The following NRXN3 variants were observed in gnomAD, a reference collection of about 807,000 sequenced individuals.
NRXN3 encodes the protein neurexin 3.
Under a neutral mutation model 137.6 loss-of-function variants are expected in NRXN3, and 32 were observed. The observed-to-expected ratio is 0.23, with a 90% CI of 0.18 to 0.31. NRXN3 has a LOEUF of 0.31. Among genes scored for constraint, NRXN3 ranks in the 10% least tolerant of loss-of-function variants. NRXN3 has a pLI of 1.00. For missense variants in NRXN3, 1,574 were observed against 2,062.5 expected (o/e 0.76, Z 4.59); for synonymous variants, 798 against 784.5 (o/e 1.02, Z -0.29).
chr14:78,629,967 G>A (rs1003970351), intron 4 of NRXN3, among the ~76,000 whole-genome samples: 1 of 152,118 alleles, frequency 6.6e-6, no homozygotes, highest in Admixed American at 6.5e-5. Context: ...ACACTAACTC[G>A]ATGCCCTTTA....
intron 15 of NRXN3, among the ~76,000 whole-genome samples, chr14:79,358,506 G>A (rs868573598): frequency 5.4e-5 from 8 of 149,448 alleles, no homozygotes; most frequent in Non-Finnish European, 8.9e-5. Flanking sequence ...CCTGGGAGGC[G>A]GAGCTTACAG....
intron 15 of NRXN3, among the ~76,000 whole-genome samples, chr14:79,226,923 C>A (rs1476101148): frequency 2.0e-5 from 3 of 147,052 alleles, no homozygotes; most frequent in Non-Finnish European, 4.4e-5. Context: ...TCAAGCAATT[C>A]TCCTTTCTCA....
intron 4 of NRXN3, among the ~76,000 whole-genome samples, chr14:78,590,274 T>A (rs2097104943): frequency 6.6e-6 from 1 of 152,210 alleles, no homozygotes; most frequent in South Asian, 2.1e-4. Context: ...ACTTTTCTTC[T>A]GGTCCCAGTC....
At chr14:79,068,808 G>A (rs983525615) in intron 15 of NRXN3, among the ~76,000 whole-genome samples, 2 of 151,996 alleles carry the variant, frequency 1.3e-5, no homozygotes, top group Admixed American at 6.6e-5. Flanking sequence ...TCTAAATAAC[G>A]TACTCCAGTG....
chr14:79,287,699 T>A (rs995009433), intron 15 of NRXN3, among the ~76,000 whole-genome samples: 2 of 152,220 alleles, frequency 1.3e-5, no homozygotes, highest in African/African-American at 4.8e-5. Context: ...GAATTCTTAC[T>A]GAGAGACATG....
At chr14:79,113,436 G>A (rs1270182209) in intron 15 of NRXN3, among the ~76,000 whole-genome samples, 3 of 152,120 alleles carry the variant, frequency 2.0e-5, no homozygotes, top group African/African-American at 7.2e-5. Context: ...GACTTTTTGT[G>A]TCTTTAGTCT....
intron 8 of NRXN3, among the ~76,000 whole-genome samples, chr14:78,759,266 TAAC>T (rs1302615520): frequency 1.3e-5 from 2 of 152,152 alleles, no homozygotes; most frequent in Non-Finnish European, 2.9e-5. Context: ...TAGGTAGTGA[TAAC>T]AACAAGAATG....
chr14:79,036,079 T>A lies in NRXN3; in HGVS notation c.3262+47938T>A, dbSNP rs180879304. On this transcript the variant is annotated intron_variant, in intron 15 of 20. Coordinates refer to ENST00000335750, the MANE Select transcript of NRXN3 (RefSeq NM_001330195.2). ...AAACATCGTAGTTTTTACATGGTAG[T>A]TTTTCCTTGTTGGAGGACAGTTGCA... Among the ~76,000 whole-genome samples, 106 of 152,166 alleles carry A rather than the reference T, an allele frequency of 7.0e-4. 1 individual carries two copies. Among genetic ancestry groups the A allele is most frequent in the Admixed American group, 2.0e-3 (30 of 15,248 alleles).
chr14:78,371,963 T>C (rs2086911079), intron 4 of NRXN3, among the ~76,000 whole-genome samples: 1 of 152,250 alleles, frequency 6.6e-6, no homozygotes, highest in Non-Finnish European at 1.5e-5. Flanking sequence ...GTGACTTGTC[T>C]ACAAGTCATG....
intron 4 of NRXN3, among the ~76,000 whole-genome samples, chr14:78,380,070 G>T (rs1302420356): frequency 1.3e-5 from 2 of 151,946 alleles, no homozygotes; most frequent in Non-Finnish European, 1.5e-5. Context: ...AATGCTAAAA[G>T]AAATAAAATC....
chr14:79,137,077 C>A (rs2152984796), intron 15 of NRXN3, among the ~76,000 whole-genome samples: 1 of 152,270 alleles, frequency 6.6e-6, no homozygotes, highest in African/African-American at 2.4e-5. Flanking sequence ...CTCCCCCAAC[C>A]AAATAAGAAA....
chr14:78,996,539 T>C (rs893570270), intron 15 of NRXN3, among the ~76,000 whole-genome samples: 2 of 152,230 alleles, frequency 1.3e-5, no homozygotes, highest in Non-Finnish European at 2.9e-5. Flanking sequence ...TCAATTATAC[T>C]GTAATTTCTA....
At chr14:78,439,590 C>G (rs1330181684) in intron 4 of NRXN3, among the ~76,000 whole-genome samples, 1 of 152,206 alleles carries the variant, frequency 6.6e-6, no homozygotes. Context: ...TCAGAGCTTG[C>G]TGTAGCTGCT....
At chr14:79,094,674 A>G (rs2202178) in intron 15 of NRXN3, among the ~76,000 whole-genome samples, 139,899 of 152,140 alleles carry the variant, frequency 0.92, 65,210 homozygotes, top group Non-Finnish European at 0.99. Context: ...AGGGTTTTAA[A>G]AGAAGTCTGA....
chr14:79,405,860 T>G (rs2095300489), intron 15 of NRXN3, among the ~76,000 whole-genome samples: 1 of 152,126 alleles, frequency 6.6e-6, no homozygotes, highest in African/African-American at 2.4e-5. Flanking sequence ...TCCAGGACCT[T>G]AGTACTCAGT....
At chr14:79,170,472 A>T (rs2061673603) in intron 15 of NRXN3, among the ~76,000 whole-genome samples, 1 of 152,236 alleles carries the variant, frequency 6.6e-6, no homozygotes, top group African/African-American at 2.4e-5. Context: ...AAATAAAGAG[A>T]TATCTGGAAA....
At chr14:79,616,241 G>A (rs1411084364) in intron 16 of NRXN3, among the ~76,000 whole-genome samples, 2 of 152,120 alleles carry the variant, frequency 1.3e-5, no homozygotes, top group Non-Finnish European at 2.9e-5. Flanking sequence ...TCCAGGAAGG[G>A]GATGATGGAA....
chr14:78,321,418 ATTTCTGTTTT>A (rs1411709225), intron 4 of NRXN3, among the ~76,000 whole-genome samples: 2 of 151,998 alleles, frequency 1.3e-5, no homozygotes, highest in Non-Finnish European at 2.9e-5. Context: ...CTCCTGTCCT[ATTTCTGTTTT>A]TTTCTGGATT....
At chr14:78,961,052 T>C (rs2099407261) in intron 11 of NRXN3, among the ~76,000 whole-genome samples, 1 of 151,450 alleles carries the variant, frequency 6.6e-6, no homozygotes, top group South Asian at 2.1e-4. Context: ...CTTTTTTTAC[T>C]GAAGTATTTT....
Sources: gnomAD v4.1 joint callset for allele counts (sites outside exome capture counted in the v4.1 genomes callset) on GRCh38, gnomAD v4.1.1 for gene constraint, MANE v1.5 for transcripts, NCBI Gene and HGNC (gene_info 2026-07-23, HGNC 2026-07-21) for gene names.